Variants in DLG2 observed in about 807,000 individuals in gnomAD.
The protein encoded by DLG2 is discs large MAGUK scaffold protein 2.
DLG2 carries 45 observed loss-of-function variants against 132.5 expected under a neutral mutation model. That is an observed-to-expected ratio of 0.34 (90% CI 0.27 to 0.44). DLG2 has a LOEUF of 0.44. Among genes scored for constraint, DLG2 ranks in the 20% least tolerant of loss-of-function variants. DLG2 has a pLI of 1.00. For missense variants in DLG2, 1,045 were observed against 1,196.9 expected (o/e 0.87, Z 1.87); for synonymous variants, 424 against 419.6 (o/e 1.01, Z -0.13).
chr11:83,843,670 G>A (rs1240551906), intron 16 of DLG2, among the ~76,000 whole-genome samples: 1 of 152,024 alleles, frequency 6.6e-6, no homozygotes, highest in East Asian at 1.9e-4. Flanking sequence ...TGGCTCTCTT[G>A]GGATATGTGG....
chr11:85,616,127 T>G (rs1474146339), intron 2 of DLG2, among the ~76,000 whole-genome samples: 2 of 152,222 alleles, frequency 1.3e-5, no homozygotes, highest in Non-Finnish European at 2.9e-5. Context: ...ATTCCAATCC[T>G]GGGCTCTCCT....
intron 3 of DLG2, among the ~76,000 whole-genome samples, chr11:85,487,434 A>C (rs1027773464): frequency 3.3e-5 from 5 of 151,542 alleles, no homozygotes; most frequent in African/African-American, 9.7e-5. Context: ...AAAAAAAAAA[A>C]ACCTCAGGAT....
chr11:84,272,528 T>C (rs958675822), intron 7 of DLG2, among the ~76,000 whole-genome samples: 2 of 152,180 alleles, frequency 1.3e-5, no homozygotes, highest in Non-Finnish European at 2.9e-5. Context: ...GCCAGCCTGA[T>C]TCCTCTGGTT....
At chr11:85,489,653 C>A (rs1331474797) in intron 3 of DLG2, among the ~76,000 whole-genome samples, 1 of 152,158 alleles carries the variant, frequency 6.6e-6, no homozygotes, top group Non-Finnish European at 1.5e-5. Context: ...TGTTAGGCCA[C>A]AAACTAAGTC....
chr11:84,900,580 T>C (rs1437435632), intron 6 of DLG2, among the ~76,000 whole-genome samples: 1 of 152,052 alleles, frequency 6.6e-6, no homozygotes, highest in African/African-American at 2.4e-5. Context: ...GTAGTTAAAA[T>C]ATAAAGAAAT....
At chr11:85,422,702 G>A (rs1302439025) in intron 3 of DLG2, among the ~76,000 whole-genome samples, 1 of 151,950 alleles carries the variant, frequency 6.6e-6, no homozygotes, top group East Asian at 1.9e-4. Flanking sequence ...CATTGGTCAG[G>A]CTGGTCTCAA....
At chr11:83,813,668 A>T (rs1269296645) in intron 17 of DLG2, among the ~76,000 whole-genome samples, 1 of 152,152 alleles carries the variant, frequency 6.6e-6, no homozygotes, top group Non-Finnish European at 1.5e-5. Context: ...TTGCTTTTAG[A>T]TGATGCCTCT....
intron 3 of DLG2, among the ~76,000 whole-genome samples, chr11:85,541,377 A>C (rs2075960314): frequency 6.6e-6 from 1 of 151,966 alleles, no homozygotes; most frequent in South Asian, 2.1e-4. Flanking sequence ...AAAAAATTAG[A>C]AATAAGCAAG....
intron 3 of DLG2, among the ~76,000 whole-genome samples, chr11:85,500,937 C>A (rs188968068): frequency 2.6e-5 from 4 of 152,184 alleles, no homozygotes; most frequent in Middle Eastern, 3.4e-3. Context: ...TCATATGCAA[C>A]CATAAAAGAG....
intron 7 of DLG2, among the ~76,000 whole-genome samples, chr11:84,282,882 T>A (rs1437353953): frequency 6.6e-6 from 1 of 152,170 alleles, no homozygotes; most frequent in African/African-American, 2.4e-5. Context: ...ACTCTCAAGT[T>A]CTTTCAGAGC....
intron 4 of DLG2, among the ~76,000 whole-genome samples, chr11:85,208,630 C>T (rs1232238325): frequency 6.6e-6 from 1 of 152,058 alleles, no homozygotes; most frequent in Admixed American, 6.6e-5. Context: ...CCCAGTGGTC[C>T]CAACAGGGAG....
intron 6 of DLG2, among the ~76,000 whole-genome samples, chr11:84,581,674 C>T (rs1031725785): frequency 2.6e-5 from 4 of 151,508 alleles, no homozygotes; most frequent in Admixed American, 6.6e-5. Flanking sequence ...TTTGGGAGGC[C>T]GAGGTGGGCG....
chr11:84,548,438 C>A (rs1296552424), intron 6 of DLG2, among the ~76,000 whole-genome samples: 1 of 150,360 alleles, frequency 6.7e-6, no homozygotes, highest in Non-Finnish European at 1.5e-5. Flanking sequence ...ACCCGCCCCC[C>A]ACCCCACAAC....
At chr11:85,123,579 C>T (rs1334369112) in intron 5 of DLG2, among the ~76,000 whole-genome samples, 1 of 152,158 alleles carries the variant, frequency 6.6e-6, no homozygotes, top group East Asian at 1.9e-4. Context: ...GAGCACAGAG[C>T]AGAGTAGGAG....
chr11:83,667,823 C>G (rs2075922139), intron 18 of DLG2, among the ~76,000 whole-genome samples: 1 of 151,274 alleles, frequency 6.6e-6, no homozygotes, highest in African/African-American at 2.4e-5. Context: ...ACTAAAAATA[C>G]AAAAATTAGC....
chr11:84,702,791 C>G (rs748070616), intron 6 of DLG2, among the ~76,000 whole-genome samples: 2 of 151,640 alleles, frequency 1.3e-5, no homozygotes, highest in Non-Finnish European at 3.0e-5. Context: ...TCTTCTGTCT[C>G]TTCCACTATA....
At chr11:84,196,037 G>A (rs953142633) in intron 8 of DLG2, among the ~76,000 whole-genome samples, 3 of 152,140 alleles carry the variant, frequency 2.0e-5, no homozygotes, top group East Asian at 1.9e-4. Flanking sequence ...AAAATTATTT[G>A]TATGTAGATC....
At position 85,067,815 on chromosome 11, in the gene DLG2, T is replaced by C. The variant is rs1015218525; in HGVS notation, c.357+43846A>G. Among the ~76,000 whole-genome samples the C allele has an allele frequency of 5.3e-5, 8 of 152,108 alleles. No individual in the cohort carries two copies. In the East Asian group the frequency reaches 1.6e-3, roughly 30 times the overall value. Reference sequence around the variant, plus strand: ...AACTCATTTTATGAGGCCAGCATCATCCTGATACCAAAGCCTGGGAGAGAC... The same window carrying C: ...AACTCATTTTATGAGGCCAGCATCACCCTGATACCAAAGCCTGGGAGAGAC... On this transcript the variant is annotated intron_variant, in intron 6 of 27. Transcript: ENST00000376104.
At chr11:84,827,245 C>T (rs752784279) in intron 6 of DLG2, among the ~76,000 whole-genome samples, 91 of 151,614 alleles carry the variant, frequency 6.0e-4, no homozygotes, top group Non-Finnish European at 8.7e-4. Flanking sequence ...CTCACTACAC[C>T]GTGTTCGAGG....
Sources: allele counts gnomAD v4.1 joint callset (sites outside exome capture counted in the v4.1 genomes callset), GRCh38; gene constraint gnomAD v4.1.1; transcripts MANE v1.5; gene names NCBI Gene and HGNC (gene_info 2026-07-23, HGNC 2026-07-21).